The following ALDH3B1 variants were observed in gnomAD, a reference collection of about 807,000 sequenced individuals.
The protein encoded by ALDH3B1 is aldehyde dehydrogenase 3 family member B1.
ALDH3B1 carries 37 observed loss-of-function variants against 46.2 expected under a neutral mutation model. The observed-to-expected ratio is 0.80, with a 90% CI of 0.62 to 1.05. ALDH3B1 has a LOEUF of 1.05. Among genes scored for constraint, ALDH3B1 ranks in the 50% least tolerant of loss-of-function variants. The pLI, the probability that ALDH3B1 is intolerant of heterozygous loss-of-function variation, is 0.00. For synonymous variants in ALDH3B1, 283 were observed against 281.0 expected (o/e 1.01, Z -0.07); for missense variants, 603 against 665.5 (o/e 0.91, Z 1.03).
chr11:68,008,943 G>T (rs1055306252), upstream of ALDH3B1, among the ~76,000 whole-genome samples: 5 of 151,982 alleles, frequency 3.3e-5, no homozygotes, highest in Non-Finnish European at 7.4e-5. Context: ...TGTATCCGGG[G>T]CGGGCTGGGG....
chr11:68,019,174 C>T lies in ALDH3B1; in HGVS notation c.399C>T (p.Asn133=). The T allele has an allele frequency of 6.2e-7, 1 of 1,612,356 alleles. No homozygotes were observed. Among genetic ancestry groups the T allele is most frequent in the Non-Finnish European group, 8.5e-7 (1 of 1,179,360 alleles). Reference sequence around the variant, plus strand: ...TCTCCCTGCACTGCCCTGCAGGGAACTGTGTGGTGCTGAAGCCATCGGAGA... The same window carrying T: ...TCTCCCTGCACTGCCCTGCAGGGAATTGTGTGGTGCTGAAGCCATCGGAGA... The part of the protein sequence containing the change: ...VPLVGALAAG[N]CVVLKPSEIS... The change falls in exon 5 of 10, where the codon AAC becomes AAT. Residue 133 remains asparagine, a synonymous_variant. Coordinates refer to ENST00000342456, the MANE Select transcript of ALDH3B1 (RefSeq NM_000694.4).
chr11:68,019,600 G>A (rs1857438388), intron 5 of ALDH3B1, 115 bp from the exon 6 acceptor site: 1 of 1,172,530 alleles, frequency 8.5e-7, no homozygotes, highest in East Asian at 2.4e-5. Flanking sequence ...CTAGAGCCCT[G>A]GCTGGGTCAG....
Position 68,018,840 on chromosome 11 carries a change from G to A in ALDH3B1, c.341G>A (p.Trp114Ter), listed in dbSNP as rs1401509697. 3.2e-6 allele frequency: 5 copies of A among 1,565,082 alleles called. No homozygotes were observed. Among genetic ancestry groups the A allele is most frequent in the Non-Finnish European group, 4.3e-6 (5 of 1,155,264 alleles). ...PFGLVLIIAP[W>*]NYPLNLTLVP... Reference sequence around the variant, plus strand: ...GGCCTGGTCCTCATCATTGCGCCCTGGAACTATCCGCTGAACCTGACGCTG... The same window carrying A: ...GGCCTGGTCCTCATCATTGCGCCCTAGAACTATCCGCTGAACCTGACGCTG... The change falls in exon 4 of 10, where the codon TGG becomes TAG. Residue 114 changes from tryptophan to a stop codon, truncating the protein, a stop_gained. Coordinates refer to ENST00000342456, the MANE Select transcript of ALDH3B1 (RefSeq NM_000694.4). LOFTEE classifies it high-confidence loss of function.
Position 68,021,390 on chromosome 11 carries a change from C to T in ALDH3B1, c.563-95C>T, listed in dbSNP as rs1857488199. On this transcript the variant is annotated intron_variant, in intron 6 of 9. Coordinates refer to ENST00000342456, the MANE Select transcript of ALDH3B1 (RefSeq NM_000694.4). ...AGGCGAGGGCTGCTGCCCGCTGACT[C>T]CACCACCTCTCCAGGGAGGAGCGGG... The T allele has an allele frequency of 2.0e-6, 3 of 1,519,110 alleles. 1 individual carries two copies. The East Asian group carries it at 6.8e-5, about 34-fold the overall frequency. The allele number at this position is 1,519,110 out of a possible 1,614,324, so 94.1% of individuals were successfully genotyped here. A position where few individuals can be genotyped will look rare whatever the true frequency, so the allele number is the denominator to read the frequency against.
intron 9 of ALDH3B1, among the ~76,000 whole-genome samples, chr11:68,026,935 C>A (rs1857639133): frequency 6.6e-6 from 1 of 152,162 alleles, no homozygotes. Context: ...CCAGCCCCAG[C>A]CCCAGCCTCC....
intron 1 of ALDH3B1, among the ~76,000 whole-genome samples, chr11:68,010,752 C>G (rs1252375866): frequency 1.3e-5 from 2 of 152,226 alleles, no homozygotes; most frequent in African/African-American, 2.4e-5. Flanking sequence ...GCGCCCCTTC[C>G]CCACAGGGGT....
At chr11:68,021,260 G>A (rs1365589698) in intron 6 of ALDH3B1, among the ~76,000 whole-genome samples, 1 of 152,200 alleles carries the variant, frequency 6.6e-6, no homozygotes, top group East Asian at 1.9e-4. Context: ...GCCGATAGCA[G>A]CCGTGCACCA....
intron 9 of ALDH3B1, 80 bp downstream of exon 9, chr11:68,026,188 C>A: frequency 8.2e-7 from 1 of 1,216,266 alleles, no homozygotes; most frequent in Non-Finnish European, 1.1e-6. Flanking sequence ...TCTGCCAAAG[C>A]ACCCCAGCCC....
Position 68,021,482 on chromosome 11 carries a change from C to G in ALDH3B1, c.563-3C>G. 1 of 1,607,096 alleles carries G rather than the reference C, an allele frequency of 6.2e-7. No individual in the cohort carries two copies. The highest frequency in any genetic ancestry group is 8.5e-7 in the Non-Finnish European group (1 of 1,175,694). ...GGCCACTCTGGTTTCCTTCCATGCCCAGGGAGCCCTCGTGTGGGCAAGATT... is the reference window on the plus strand; with the variant it reads ...GGCCACTCTGGTTTCCTTCCATGCCGAGGGAGCCCTCGTGTGGGCAAGATT... On this transcript the variant is annotated splice_polypyrimidine_tract_variant and splice_region_variant and intron_variant, in intron 6 of 9. Coordinates refer to ENST00000342456, the MANE Select transcript of ALDH3B1 (RefSeq NM_000694.4).
At chr11:68,018,979 A>C in intron 4 of ALDH3B1, 86 bp downstream of exon 4, 1 of 1,497,006 alleles carries the variant, frequency 6.7e-7, no homozygotes, top group Admixed American at 2.2e-5. Flanking sequence ...ACATGGGAGA[A>C]CTGGCCCAGG....
rs200748354 is a variant in ALDH3B1, at chr11:68,027,374, A to AC, written c.1217-375_1217-374insC. Among the ~76,000 whole-genome samples the AC allele has an allele frequency of 4.1e-3, 617 of 152,060 alleles. 1 individual carries two copies. Among genetic ancestry groups the AC allele is most frequent in the African/African-American group, 0.012 (477 of 41,444 alleles). On this transcript the variant is annotated intron_variant, in intron 9 of 9. Coordinates refer to ENST00000342456, the MANE Select transcript of ALDH3B1 (RefSeq NM_000694.4). ...ACCTACTGGGTCCAGGGGTCTCAAC[A>AC]TCCCCTCAATCCCCACCACAACCTT...
intron 2 of ALDH3B1, chr11:68,015,721 A>G: frequency 3.1e-6 from 2 of 650,166 alleles, no homozygotes; most frequent in Non-Finnish European, 5.7e-6. Flanking sequence ...CACAGTTCCC[A>G]TGCCTACGAA....
rs781729019 is a variant in ALDH3B1, at chr11:68,019,690, G to A, written c.481-25G>A. ...GTTCTCGGAGCTGGGGTCCCAGAAGGAGCCTCACCCATCCCGCCTTGCAGA... is the reference window on the plus strand; with the variant it reads ...GTTCTCGGAGCTGGGGTCCCAGAAGAAGCCTCACCCATCCCGCCTTGCAGA... On this transcript the variant is annotated intron_variant, in intron 5 of 9. Coordinates refer to ENST00000342456, the MANE Select transcript of ALDH3B1 (RefSeq NM_000694.4). 1.9e-6 allele frequency: 3 copies of A among 1,612,120 alleles called. No individual in the cohort carries two copies. The East Asian group carries it at 6.7e-5, about 36-fold the overall frequency.
rs984249242 is a variant in ALDH3B1 at position 68,028,271 on chromosome 11, G to A, written c.*332G>A. ...CCCCTCTCCTGTGGAGCGGGCGTCC[G>A]AGGGGCCCTGGCATCTGACTCAGGC... On this transcript the variant is annotated 3_prime_UTR_variant, in exon 10 of 10. Transcript: ENST00000342456. The A allele has an allele frequency of 3.5e-5, 16 of 461,210 alleles. No homozygotes were observed. Among genetic ancestry groups the A allele is most frequent in the South Asian group, 2.5e-4 (14 of 55,132 alleles). The allele number at this position is 461,210 out of a possible 1,614,324, so 28.6% of individuals were successfully genotyped here.
At position 68,026,079 on chromosome 11, in the gene ALDH3B1, C is replaced by A. The variant is rs754336288; in HGVS notation, c.1187C>A (p.Thr396Asn). The change falls in exon 9 of 10, where the codon ACC becomes AAC. Residue 396 changes from threonine to asparagine, a missense_variant. Physicochemically the swap from Thr to Asn is moderately conservative, Grantham distance 65 (BLOSUM62 0). Coordinates refer to ENST00000342456, the MANE Select transcript of ALDH3B1 (RefSeq NM_000694.4). ...FCGNDGFMHM[T>N]LASLPFGGVG... ...GGGAACGACGGCTTCATGCACATGA[C>A]CCTGGCCAGCCTGCCTTTTGGAGGA... 2.5e-6 allele frequency: 4 copies of A among 1,607,214 alleles called. No homozygotes were observed. The highest frequency in any genetic ancestry group is 3.4e-5 in the Admixed American group (2 of 59,078).
chr11:68,021,061 A>T (rs1013918146), intron 6 of ALDH3B1, among the ~76,000 whole-genome samples: 13 of 152,174 alleles, frequency 8.5e-5, no homozygotes, highest in Non-Finnish European at 1.9e-4. Flanking sequence ...TAGAGAAGAG[A>T]GACCTGAATG....
chr11:68,019,585 C>G (rs549800698), intron 5 of ALDH3B1, 130 bp from the exon 6 acceptor site: 1 of 1,012,216 alleles, frequency 9.9e-7, no homozygotes, highest in Admixed American at 2.5e-5. Context: ...CTCCACCCAA[C>G]CCTCCTAGAG....
intron 8 of ALDH3B1, chr11:68,024,452 T>G (rs1802948136): frequency 6.6e-6 from 1 of 152,266 alleles, no homozygotes; most frequent in South Asian, 2.1e-4. Flanking sequence ...TATTATCTAG[T>G]TATTTTATAC....
At chr11:68,027,709 C>A (rs1344732103) in intron 9 of ALDH3B1, 40 bp from the exon 10 acceptor site, 9 of 1,544,412 alleles carry the variant, frequency 5.8e-6, no homozygotes, top group Non-Finnish European at 7.9e-6. Context: ...ACTAGGAGAC[C>A]CCCAGCGCCT....
Sources: gnomAD v4.1 joint callset for allele counts (sites outside exome capture counted in the v4.1 genomes callset) on GRCh38, gnomAD v4.1.1 for gene constraint, MANE v1.5 for transcripts, NCBI Gene and HGNC (gene_info 2026-07-23, HGNC 2026-07-21) for gene names.